Variants in LCOR observed in about 807,000 individuals in gnomAD.
LCOR encodes the protein ligand-dependent corepressor.
LCOR carries 14 observed loss-of-function variants against 64.4 expected under a neutral mutation model. That is an observed-to-expected ratio of 0.22 (90% CI 0.14 to 0.34). The LOEUF is 0.34. Among genes scored for constraint, LCOR ranks in the 10% least tolerant of loss-of-function variants. The pLI, the probability that LCOR is intolerant of heterozygous loss-of-function variation, is 1.00. For missense variants in LCOR, 1,686 were observed against 1,765.3 expected, an observed-to-expected ratio of 0.96 and a Z score of 0.80; for synonymous variants, 643 against 642.5, an observed-to-expected ratio of 1.00 and a Z score of -0.01.
intron 4 of LCOR, among the ~76,000 whole-genome samples, chr10:96,935,902 C>G (rs1157233138): frequency 6.6e-6 from 1 of 152,210 alleles, no homozygotes; most frequent in South Asian, 2.1e-4. Flanking sequence ...AATCTCACAC[C>G]TAAAGGTGTT....
chr10:96,934,031 GT>G (rs1376279730), intron 4 of LCOR, among the ~76,000 whole-genome samples: 1 of 152,138 alleles, frequency 6.6e-6, no homozygotes, highest in Non-Finnish European at 1.5e-5. Context: ...CAGGAAAAAA[GT>G]TGTGATGTTC....
At chr10:96,955,790 G>T in intron 7 of LCOR, 1 of 1,614,192 alleles carries the variant, frequency 6.2e-7, no homozygotes, top group Non-Finnish European at 8.5e-7. Flanking sequence ...AGGAGAGGCT[G>T]GGCACTTTGA....
intron 2 of LCOR, among the ~76,000 whole-genome samples, chr10:96,847,577 G>A (rs1249431773): frequency 1.3e-5 from 2 of 152,084 alleles, no homozygotes; most frequent in African/African-American, 2.4e-5. Flanking sequence ...GAGTAGCTGC[G>A]ATTACAAGCG....
At chr10:96,943,360 G>A (rs1330283384) in intron 4 of LCOR, among the ~76,000 whole-genome samples, 2 of 152,202 alleles carry the variant, frequency 1.3e-5, no homozygotes, top group African/African-American at 2.4e-5. Flanking sequence ...GCCTCCCTAA[G>A]TGCTGGGATT....
chr10:96,838,404 G>T (rs1036429737), intron 2 of LCOR, among the ~76,000 whole-genome samples: 1 of 152,100 alleles, frequency 6.6e-6, no homozygotes, highest in African/African-American at 2.4e-5. Flanking sequence ...TTACAGGTGT[G>T]CGCCACCACA....
At chr10:96,952,934 G>A (rs1847706648) in intron 7 of LCOR, among the ~76,000 whole-genome samples, 1 of 152,128 alleles carries the variant, frequency 6.6e-6, no homozygotes, top group Non-Finnish European at 1.5e-5. Flanking sequence ...TAACTGGTAA[G>A]TTTAAATTAG....
At chr10:96,956,292 A>G (rs1183727472) in intron 7 of LCOR, 1 of 995,914 alleles carries the variant, frequency 1.0e-6, no homozygotes, top group Non-Finnish European at 1.2e-6. Context: ...TTAAAAAAGA[A>G]GAGGAAACAA....
chr10:96,982,591 C>G lies in LCOR; in HGVS notation c.2131C>G (p.Pro711Ala), dbSNP rs34104025. The G allele has an allele frequency of 0.011, 17,956 of 1,614,042 alleles. 1,508 individuals are homozygous for G. In the African/African-American group the frequency reaches 0.19, roughly 17 times the overall value. The change falls in exon 8 of 8, where the codon CCA becomes GCA. Residue 711 changes from proline (P) to alanine (A), a missense_variant. By Grantham distance (27) the Pro-to-Ala change is conservative. Transcript: ENST00000421806. Reference sequence around the variant, plus strand: ...TCAGTGCTCAGAAAATCAGAGTTCCCCAATGGGCTTGGAGCCCCCCATGAG... The same window carrying G: ...TCAGTGCTCAGAAAATCAGAGTTCCGCAATGGGCTTGGAGCCCCCCATGAG... Reference protein sequence around the residue: ...SPQCSENQSSPMGLEPPMSLG... With the variant: ...SPQCSENQSSAMGLEPPMSLG...
chr10:96,942,443 G>T (rs1327696254), intron 4 of LCOR, among the ~76,000 whole-genome samples: 2 of 131,794 alleles, frequency 1.5e-5, no homozygotes, highest in Admixed American at 7.7e-5. Flanking sequence ...GAAGGAGACC[G>T]TGGAGAGAGG....
intron 2 of LCOR, among the ~76,000 whole-genome samples, chr10:96,837,211 T>G (rs563265261): frequency 1.0e-3 from 156 of 152,246 alleles, no homozygotes; most frequent in African/African-American, 3.7e-3. Flanking sequence ...AGGATGGTCT[T>G]GATCTGCTGA....
At chr10:96,904,731 G>T (rs927207459) in intron 2 of LCOR, among the ~76,000 whole-genome samples, 2 of 152,070 alleles carry the variant, frequency 1.3e-5, no homozygotes, top group South Asian at 2.1e-4. Flanking sequence ...TTTTGTTATT[G>T]ATCTTTCTGG....
intron 4 of LCOR, among the ~76,000 whole-genome samples, chr10:96,918,256 G>A (rs933335584): frequency 6.6e-6 from 1 of 152,110 alleles, no homozygotes; most frequent in African/African-American, 2.4e-5. Context: ...ATGACAGGGG[G>A]GATGGGTTGT....
At chr10:96,953,577 A>C (rs1847718153) in intron 7 of LCOR, among the ~76,000 whole-genome samples, 1 of 152,094 alleles carries the variant, frequency 6.6e-6, no homozygotes, top group Non-Finnish European at 1.5e-5. Flanking sequence ...AAAACAAAAA[A>C]CACTTGAGTT....
chr10:96,883,000 A>T (rs1465359657), intron 2 of LCOR, among the ~76,000 whole-genome samples: 1 of 152,138 alleles, frequency 6.6e-6, no homozygotes, highest in Non-Finnish European at 1.5e-5. Context: ...TTTGACAGTT[A>T]TAAATAAAGC....
chr10:96,921,895 ACTAT>A (rs1352556174), intron 4 of LCOR, among the ~76,000 whole-genome samples: 3 of 152,174 alleles, frequency 2.0e-5, no homozygotes, highest in Non-Finnish European at 4.4e-5. Context: ...TTATTTCTGG[ACTAT>A]CTATTTCTGT....
chr10:96,850,641 G>A (rs1266414499), intron 2 of LCOR, among the ~76,000 whole-genome samples: 2 of 152,006 alleles, frequency 1.3e-5, no homozygotes, highest in Admixed American at 1.3e-4. Context: ...CATGCCACCA[G>A]GTCTTGCTAT....
intron 4 of LCOR, among the ~76,000 whole-genome samples, chr10:96,942,722 T>C (rs1027489711): frequency 6.6e-6 from 1 of 152,132 alleles, no homozygotes; most frequent in Non-Finnish European, 1.5e-5. Context: ...TCAGTGGGTA[T>C]TTTTTTAAAT....
intron 7 of LCOR, among the ~76,000 whole-genome samples, chr10:96,972,038 G>T (rs1160593860): frequency 6.6e-6 from 1 of 151,930 alleles, no homozygotes; most frequent in East Asian, 1.9e-4. Context: ...TCTAGAGAGG[G>T]GTGGGGTGGG....
intron 4 of LCOR, among the ~76,000 whole-genome samples, chr10:96,943,397 A>T (rs1412349109): frequency 6.6e-6 from 1 of 152,248 alleles, no homozygotes; most frequent in Non-Finnish European, 1.5e-5. Context: ...TCGCCTGGTC[A>T]GATTCACTGT....
Sources: allele counts gnomAD v4.1 joint callset (sites outside exome capture counted in the v4.1 genomes callset), GRCh38; gene constraint gnomAD v4.1.1; transcripts MANE v1.5; gene names NCBI Gene and HGNC (gene_info 2026-07-23, HGNC 2026-07-21).